SYBU: variants seen among roughly 807,000 people sequenced by gnomAD.
SYBU encodes the protein syntabulin.
A neutral mutation model predicts 35.9 loss-of-function variants in SYBU; 21 were observed. The observed-to-expected ratio is 0.58, with a 90% CI of 0.41 to 0.84. SYBU has a LOEUF of 0.84. SYBU is among the 40% of genes least tolerant of loss of function. The pLI, the probability that SYBU is intolerant of heterozygous loss-of-function variation, is 0.00. For missense variants in SYBU, 768 were observed against 848.2 expected (o/e 0.91, Z 1.17); for synonymous variants, 319 against 324.3 (o/e 0.98, Z 0.18).
At chr8:109,590,233 C>G (rs1469039503) in intron 3 of SYBU, among the ~76,000 whole-genome samples, 6 of 152,194 alleles carry the variant, frequency 3.9e-5, no homozygotes, top group Admixed American at 3.3e-4. Context: ...AGAATGGACT[C>G]TTAACTGCTA....
intron 1 of SYBU, among the ~76,000 whole-genome samples, chr8:109,672,637 T>C (rs1165697095): frequency 6.6e-6 from 1 of 151,792 alleles, no homozygotes; most frequent in Non-Finnish European, 1.5e-5. Context: ...GCTGAAGGAG[T>C]CATTTTTTCA....
chr8:109,602,148 T>C (rs151290245), intron 3 of SYBU, among the ~76,000 whole-genome samples: 20 of 152,282 alleles, frequency 1.3e-4, no homozygotes, highest in Admixed American at 9.2e-4. Context: ...ACACTCCAGA[T>C]GGACAAAATG....
At chr8:109,642,282 A>G (rs1814977454) in intron 2 of SYBU, among the ~76,000 whole-genome samples, 1 of 148,954 alleles carries the variant, frequency 6.7e-6, no homozygotes, top group East Asian at 2.0e-4. Flanking sequence ...AACATCACAT[A>G]CCAGGGCCTG....
chr8:109,650,149 A>G (rs1292741024), intron 1 of SYBU, among the ~76,000 whole-genome samples: 1 of 152,178 alleles, frequency 6.6e-6, no homozygotes, highest in African/African-American at 2.4e-5. Context: ...GAGCAGATAC[A>G]CAGGCTGGAG....
At chr8:109,578,578 T>C (rs1230716603) in intron 5 of SYBU, among the ~76,000 whole-genome samples, 1 of 152,134 alleles carries the variant, frequency 6.6e-6, no homozygotes, top group Non-Finnish European at 1.5e-5. Flanking sequence ...CTTTGAAGAT[T>C]GAAGGGGGTA....
At chr8:109,589,414 T>C (rs1198937653) in intron 3 of SYBU, among the ~76,000 whole-genome samples, 2 of 152,218 alleles carry the variant, frequency 1.3e-5, no homozygotes, top group African/African-American at 4.8e-5. Context: ...CAATATTGTT[T>C]TCGATCAGCT....
intron 2 of SYBU, among the ~76,000 whole-genome samples, chr8:109,641,220 T>C (rs146194035): frequency 2.0e-5 from 3 of 152,360 alleles, no homozygotes; most frequent in African/African-American, 4.8e-5. Context: ...CAAATGATAA[T>C]GGTGGCACCT....
intron 3 of SYBU, among the ~76,000 whole-genome samples, chr8:109,599,009 G>A (rs893410492): frequency 5.9e-5 from 9 of 152,300 alleles, no homozygotes; most frequent in East Asian, 1.9e-4. Flanking sequence ...GTATACCTGC[G>A]TGGAACTTCA....
intron 2 of SYBU, among the ~76,000 whole-genome samples, chr8:109,629,907 A>G (rs1224092926): frequency 6.6e-6 from 1 of 151,882 alleles, no homozygotes; most frequent in Non-Finnish European, 1.5e-5. Flanking sequence ...GATGATGAGC[A>G]TTTTTTCATG....
intron 3 of SYBU, among the ~76,000 whole-genome samples, chr8:109,590,410 G>GTT (rs11315086): frequency 2.7e-5 from 4 of 147,838 alleles, no homozygotes; most frequent in African/African-American, 7.4e-5. Flanking sequence ...ATATACAGGT[G>GTT]TTTTTTTTTT....
At chr8:109,677,434 A>C (rs1273554913) in intron 1 of SYBU, among the ~76,000 whole-genome samples, 6 of 152,212 alleles carry the variant, frequency 3.9e-5, no homozygotes, top group African/African-American at 1.4e-4. Flanking sequence ...AATTATTTGA[A>C]GTAAATTGCA....
intron 3 of SYBU, among the ~76,000 whole-genome samples, chr8:109,608,722 G>C (rs997785896): frequency 1.3e-5 from 2 of 152,154 alleles, no homozygotes; most frequent in Non-Finnish European, 2.9e-5. Flanking sequence ...ACATTCAAAT[G>C]CCTTAAAGTT....
intron 4 of SYBU, among the ~76,000 whole-genome samples, chr8:109,585,506 T>C (rs572834261): frequency 3.9e-5 from 6 of 152,302 alleles, no homozygotes; most frequent in African/African-American, 1.4e-4. Context: ...CAAGGCAGCC[T>C]GGTTTCAGAG....
intron 3 of SYBU, among the ~76,000 whole-genome samples, chr8:109,596,901 T>C (rs1824941469): frequency 6.6e-6 from 1 of 152,232 alleles, no homozygotes; most frequent in African/African-American, 2.4e-5. Context: ...AAATGCTCTG[T>C]GGATCACCTG....
At chr8:109,688,958 T>C (rs1422304550) in intron 1 of SYBU, among the ~76,000 whole-genome samples, 1 of 152,186 alleles carries the variant, frequency 6.6e-6, no homozygotes, top group African/African-American at 2.4e-5. Flanking sequence ...ATCTTAACGG[T>C]GTGTATGGTC....
Position 109,624,269 on chromosome 8 carries a change from A to G in SYBU, c.230-5230T>C, listed in dbSNP as rs148460798. 3.2e-3 allele frequency among the ~76,000 whole-genome samples: 494 copies of G among 152,356 alleles called. 3 individuals carry two copies. The highest frequency in any genetic ancestry group is 0.011 in the African/African-American group (440 of 41,584). On this transcript the variant is annotated intron_variant, in intron 2 of 6. Transcript: ENST00000276646. Reference sequence around the variant, plus strand: ...AACTCCCTGGAAATCACTGGAAATTATCCACGAACAATTCTTTATATTGAA... The same window carrying G: ...AACTCCCTGGAAATCACTGGAAATTGTCCACGAACAATTCTTTATATTGAA...
intron 2 of SYBU, among the ~76,000 whole-genome samples, chr8:109,621,822 A>G (rs981619612): frequency 3.3e-5 from 5 of 152,198 alleles, no homozygotes; most frequent in African/African-American, 1.2e-4. Context: ...CTAACAAAGG[A>G]ATCTAGAAAG....
In SYBU at chr8:109,575,195, A is replaced by C; in HGVS notation, c.1703T>G (p.Val568Gly). 6.2e-7 allele frequency: 1 copy of C among 1,614,222 alleles called. No homozygotes were observed. Among genetic ancestry groups the C allele is most frequent in the Non-Finnish European group, 8.5e-7 (1 of 1,180,036 alleles). Residue 568 changes from valine (V) to glycine (G), a missense_variant, in exon 7 of 7, where the codon GTT becomes GGT. By Grantham distance (109) the Val-to-Gly change is moderately radical. Coordinates refer to ENST00000276646, the MANE Select transcript of SYBU (RefSeq NM_001099754.2). Reference sequence around the variant, plus strand: ...CTCTCTCATGAGGCGGTTTGCATGAACTTCTGCATCCACATTGGCGTAGGG... The same window carrying C: ...CTCTCTCATGAGGCGGTTTGCATGACCTTCTGCATCCACATTGGCGTAGGG... The part of the protein sequence containing the change: ...ETPYANVDAE[V>G]HANRLMRELD...
At chr8:109,667,788 G>C (rs1348859605) in intron 1 of SYBU, among the ~76,000 whole-genome samples, 1 of 151,978 alleles carries the variant, frequency 6.6e-6, no homozygotes, top group Non-Finnish European at 1.5e-5. Flanking sequence ...TGTTGTTGTT[G>C]TTTATGTGTT....
Sources: gnomAD v4.1 joint callset for allele counts (sites outside exome capture counted in the v4.1 genomes callset) on GRCh38, gnomAD v4.1.1 for gene constraint, MANE v1.5 for transcripts, NCBI Gene and HGNC (gene_info 2026-07-23, HGNC 2026-07-21) for gene names.